Variants in PTPRD observed in about 807,000 individuals in gnomAD.
PTPRD encodes the protein receptor-type tyrosine-protein phosphatase delta.
A neutral mutation model predicts 214.5 loss-of-function variants in PTPRD; 34 were observed. That is an observed-to-expected ratio of 0.16 (90% CI 0.12 to 0.21). The LOEUF (loss-of-function observed/expected upper bound fraction) is 0.21, where lower values mean the gene tolerates loss of function less well. PTPRD is among the 10% of genes least tolerant of loss of function. The pLI, the probability that PTPRD is intolerant of heterozygous loss-of-function variation, is 1.00. For missense variants in PTPRD, 2,545 were observed against 2,398.7 expected, an observed-to-expected ratio of 1.06 and a Z score of -1.27; for synonymous variants, 1,128 against 845.7, an observed-to-expected ratio of 1.33 and a Z score of -5.79.
intron 10 of PTPRD, among the ~76,000 whole-genome samples, chr9:9,104,265 A>C (rs10977496): frequency 0.12 from 18,316 of 152,204 alleles, 1,336 homozygotes; most frequent in East Asian, 0.23. Flanking sequence ...TTGGTGGGCA[A>C]AAAAATTCAA....
At chr9:9,884,243 T>C (rs925847681) in intron 5 of PTPRD, among the ~76,000 whole-genome samples, 3 of 152,122 alleles carry the variant, frequency 2.0e-5, no homozygotes, top group African/African-American at 7.2e-5. Flanking sequence ...AAGAATGGAA[T>C]GAGGGATAAG....
intron 10 of PTPRD, among the ~76,000 whole-genome samples, chr9:9,183,067 G>C (rs72696836): frequency 0.043 from 6,514 of 151,950 alleles, 198 homozygotes; most frequent in Middle Eastern, 0.086. Context: ...ATTCAGAACT[G>C]AAAAATAAAT....
intron 3 of PTPRD, among the ~76,000 whole-genome samples, chr9:10,235,293 A>G (rs1451531186): frequency 6.6e-6 from 1 of 152,020 alleles, no homozygotes; most frequent in Non-Finnish European, 1.5e-5. Flanking sequence ...CATATAAAAG[A>G]CAATGATACA....
At chr9:9,077,125 G>A (rs947500911) in intron 10 of PTPRD, among the ~76,000 whole-genome samples, 3 of 146,758 alleles carry the variant, frequency 2.0e-5, no homozygotes, top group African/African-American at 5.0e-5. Flanking sequence ...TATTCACATC[G>A]TTTTGCCCAT....
At chr9:9,106,128 A>G (rs748075508) in intron 10 of PTPRD, among the ~76,000 whole-genome samples, 15 of 152,080 alleles carry the variant, frequency 9.9e-5, no homozygotes, top group African/African-American at 3.4e-4. Context: ...AACCTTACTC[A>G]TCATTTTTGT....
intron 7 of PTPRD, among the ~76,000 whole-genome samples, chr9:9,644,942 C>A (rs1305126916): frequency 1.3e-5 from 2 of 152,190 alleles, no homozygotes; most frequent in Admixed American, 6.5e-5. Context: ...GTCTGTGTAA[C>A]CTGATTCTTC....
intron 9 of PTPRD, among the ~76,000 whole-genome samples, chr9:9,254,125 C>T (rs1017257866): frequency 1.3e-5 from 2 of 152,084 alleles, no homozygotes; most frequent in Admixed American, 6.6e-5. Flanking sequence ...ATTACATCTT[C>T]TAAGCAAAGA....
chr9:9,545,595 A>C (rs967509223), intron 8 of PTPRD, among the ~76,000 whole-genome samples: 1 of 151,836 alleles, frequency 6.6e-6, no homozygotes, highest in African/African-American at 2.4e-5. Context: ...TTTTGCATGG[A>C]CCAAAATTTT....
chr9:10,560,473 G>A (rs12377387), intron 2 of PTPRD, among the ~76,000 whole-genome samples: 24 of 152,048 alleles, frequency 1.6e-4, no homozygotes, highest in Non-Finnish European at 2.9e-4. Flanking sequence ...ACGAGTTAGT[G>A]GGTGCAGCGC....
chr9:8,432,481 G>A (rs543589551), intron 35 of PTPRD, among the ~76,000 whole-genome samples: 53 of 152,024 alleles, frequency 3.5e-4, no homozygotes, highest in African/African-American at 1.1e-3. Context: ...CAGCTTTCAC[G>A]CCTTTAACCT....
At chr9:10,568,192 C>T (rs542121029) in intron 2 of PTPRD, among the ~76,000 whole-genome samples, 2 of 150,858 alleles carry the variant, frequency 1.3e-5, no homozygotes, top group Admixed American at 1.3e-4. Flanking sequence ...GTTCAATTCC[C>T]ACCTATGAGT....
chr9:8,945,005 C>A (rs2099055104), intron 11 of PTPRD, among the ~76,000 whole-genome samples: 1 of 151,958 alleles, frequency 6.6e-6, no homozygotes, highest in African/African-American at 2.4e-5. Context: ...CTCAAAATAT[C>A]TTATGTCCCC....
At chr9:8,347,818 T>C (rs1348508424) in intron 39 of PTPRD, among the ~76,000 whole-genome samples, 1 of 152,108 alleles carries the variant, frequency 6.6e-6, no homozygotes, top group Non-Finnish European at 1.5e-5. Context: ...AGTGAGAAAG[T>C]AGTCATCTAA....
chr9:10,359,870 T>C (rs558517561), intron 2 of PTPRD, among the ~76,000 whole-genome samples: 31 of 152,264 alleles, frequency 2.0e-4, no homozygotes, highest in Admixed American at 4.6e-4. Flanking sequence ...ATAACCCCCA[T>C]AGAAGCTCCA....
At chr9:9,347,501 G>C (rs923356923) in intron 9 of PTPRD, among the ~76,000 whole-genome samples, 1 of 151,758 alleles carries the variant, frequency 6.6e-6, no homozygotes, top group African/African-American at 2.4e-5. Flanking sequence ...TTGCTAAGTG[G>C]CCCTTACTAT....
intron 2 of PTPRD, among the ~76,000 whole-genome samples, chr9:10,413,052 C>A (rs1290875088): frequency 6.6e-6 from 1 of 151,896 alleles, no homozygotes; most frequent in East Asian, 1.9e-4. Flanking sequence ...AAAACCAGGA[C>A]AAGACAAGGA....
chr9:8,967,466 A>G (rs777411260), intron 11 of PTPRD, among the ~76,000 whole-genome samples: 3 of 152,160 alleles, frequency 2.0e-5, no homozygotes, highest in Non-Finnish European at 2.9e-5. Context: ...TGTGGTACAT[A>G]TATACCATGG....
At chr9:9,030,878 T>C (rs1191834390) in intron 10 of PTPRD, among the ~76,000 whole-genome samples, 3 of 152,024 alleles carry the variant, frequency 2.0e-5, no homozygotes, top group African/African-American at 7.2e-5. Context: ...CTAAGATCCT[T>C]GAGGACCTTA....
intron 9 of PTPRD, among the ~76,000 whole-genome samples, chr9:9,294,886 G>A (rs965692829): frequency 6.6e-6 from 1 of 151,640 alleles, no homozygotes; most frequent in Non-Finnish European, 1.5e-5. Context: ...AAATAAGGTG[G>A]TCATGAATCT....
Sources: gnomAD v4.1 joint callset for allele counts (sites outside exome capture counted in the v4.1 genomes callset) on GRCh38, gnomAD v4.1.1 for gene constraint, MANE v1.5 for transcripts, NCBI Gene and HGNC (gene_info 2026-07-23, HGNC 2026-07-21) for gene names.